Variants in ACVR1C observed in about 807,000 individuals in gnomAD.
The protein encoded by ACVR1C is activin receptor type-1C.
In ACVR1C, 23 loss-of-function variants were observed where a neutral mutation model predicts 57.9. The ratio of observed to expected loss-of-function variants is 0.40; its 90% CI spans 0.29 to 0.56. The LOEUF is 0.56. ACVR1C is among the 20% of genes least tolerant of loss of function. The pLI is 0.50. For missense variants in ACVR1C, 480 were observed against 607.9 expected, an observed-to-expected ratio of 0.79 and a Z score of 2.21; for synonymous variants, 214 against 215.3, an observed-to-expected ratio of 0.99 and a Z score of 0.05.
At chr2:157,622,828 A>G (rs1310990041) in intron 1 of ACVR1C, among the ~76,000 whole-genome samples, 1 of 152,186 alleles carries the variant, frequency 6.6e-6, no homozygotes. Flanking sequence ...CAATCCACAG[A>G]ATGAGAGAAA....
At chr2:157,620,797 C>T (rs576783656) in intron 1 of ACVR1C, among the ~76,000 whole-genome samples, 5 of 151,992 alleles carry the variant, frequency 3.3e-5, no homozygotes, top group Non-Finnish European at 7.4e-5. Flanking sequence ...TGTCCATATC[C>T]TGATGAGTTA....
intron 1 of ACVR1C, among the ~76,000 whole-genome samples, chr2:157,627,886 C>T (rs1682932229): frequency 6.6e-6 from 1 of 152,328 alleles, no homozygotes; most frequent in Non-Finnish European, 1.5e-5. Flanking sequence ...CGTCTGGCTT[C>T]TAGATTGGGT....
chr2:157,575,946 G>A (rs1688635759), intron 2 of ACVR1C, among the ~76,000 whole-genome samples: 1 of 152,114 alleles, frequency 6.6e-6, no homozygotes, highest in Non-Finnish European at 1.5e-5. Flanking sequence ...CAGAATGTGT[G>A]AACTTCCACA....
At chr2:157,568,166 G>T (rs1477435553) in intron 2 of ACVR1C, among the ~76,000 whole-genome samples, 1 of 84,142 alleles carries the variant, frequency 1.2e-5, no homozygotes, top group Non-Finnish European at 2.3e-5. Flanking sequence ...AATGCTGAGA[G>T]ATTTTGTCAC....
intron 2 of ACVR1C, among the ~76,000 whole-genome samples, chr2:157,582,993 C>T (rs934157042): frequency 1.1e-4 from 16 of 152,162 alleles, no homozygotes; most frequent in Admixed American, 5.2e-4. Context: ...GCAATTCTCC[C>T]GCCTCAGCCT....
intron 1 of ACVR1C, among the ~76,000 whole-genome samples, chr2:157,628,148 G>T (rs1682945078): frequency 6.6e-6 from 1 of 152,118 alleles, no homozygotes; most frequent in Non-Finnish European, 1.5e-5. Flanking sequence ...TCCTTGAGCA[G>T]CTCTCAGGGG....
Position 157,542,903 on chromosome 2 carries a change from G to A in ACVR1C, c.944-41C>T, listed in dbSNP as rs770478700. On this transcript the variant is annotated intron_variant, in intron 5 of 8. Transcript: ENST00000243349. ...GAACATATTCATTTTTTTCTTTACC[G>A]GAGACTGTTCAAGAGAAATCATCCT... 3.8e-5 allele frequency: 60 copies of A among 1,586,470 alleles called. No individual in the cohort carries two copies. In the South Asian group the frequency reaches 4.5e-4, roughly 12 times the overall value.
chr2:157,624,501 G>A (rs1372774158), intron 1 of ACVR1C, among the ~76,000 whole-genome samples: 2 of 152,172 alleles, frequency 1.3e-5, no homozygotes, highest in African/African-American at 4.8e-5. Context: ...CCAAAATACA[G>A]CGAACTTGGG....
chr2:157,583,710 C>T (rs1688846116), intron 2 of ACVR1C, among the ~76,000 whole-genome samples: 2 of 152,232 alleles, frequency 1.3e-5, no homozygotes, highest in East Asian at 1.9e-4. Flanking sequence ...AATATACCCA[C>T]ATATATAAAG....
rs1558975249 is a variant in ACVR1C at position 157,554,285 on chromosome 2, GA to G, written c.544+1807del. On this transcript the variant is annotated intron_variant, in intron 3 of 8. Transcript: ENST00000243349. ...AAAGAAAGAAAGGAAGGAAGGAAGA[GA>G]GAGAGAGAGAGAAAGAAAGAAAGGA... 3.0e-3 allele frequency among the ~76,000 whole-genome samples: 244 copies of G among 82,222 alleles called. 15 individuals are homozygous for G. Among genetic ancestry groups the G allele is most frequent in the African/African-American group, 0.015 (225 of 15,308 alleles). 53.9% of individuals were successfully genotyped at this position (82,222 alleles called of 152,430 possible). A position where few individuals can be genotyped will look rare whatever the true frequency, so the allele number is the denominator to read the frequency against.
chr2:157,540,040 C>G (rs1263294300), intron 7 of ACVR1C, among the ~76,000 whole-genome samples: 1 of 152,114 alleles, frequency 6.6e-6, no homozygotes, highest in Non-Finnish European at 1.5e-5. Flanking sequence ...AATGGCAGGT[C>G]TTTAATCGAA....
At chr2:157,613,043 G>C (rs566655032) in intron 1 of ACVR1C, among the ~76,000 whole-genome samples, 1 of 152,050 alleles carries the variant, frequency 6.6e-6, no homozygotes, top group African/African-American at 2.4e-5. Flanking sequence ...CATACAGGTA[G>C]AGGAGCTCTC....
chr2:157,566,340 G>A (rs1449865376), intron 2 of ACVR1C, among the ~76,000 whole-genome samples: 1 of 152,200 alleles, frequency 6.6e-6, no homozygotes, highest in Non-Finnish European at 1.5e-5. Flanking sequence ...GTCTATGCTA[G>A]CTAGTGGGAA....
intron 2 of ACVR1C, among the ~76,000 whole-genome samples, chr2:157,583,028 C>A (rs1349660701): frequency 6.6e-6 from 1 of 152,022 alleles, no homozygotes; most frequent in Non-Finnish European, 1.5e-5. Flanking sequence ...ACTACAGGCG[C>A]GTACTAATTT....
At chr2:157,566,780 G>A (rs1688397583) in intron 2 of ACVR1C, among the ~76,000 whole-genome samples, 1 of 152,026 alleles carries the variant, frequency 6.6e-6, no homozygotes, top group African/African-American at 2.4e-5. Context: ...AACGAGGCTG[G>A]GGGAGGGGCG....
intron 2 of ACVR1C, among the ~76,000 whole-genome samples, chr2:157,562,718 C>A (rs1278781503): frequency 6.6e-6 from 1 of 151,954 alleles, no homozygotes; most frequent in Non-Finnish European, 1.5e-5. Flanking sequence ...TGCAAAAATC[C>A]TCAATAAAAT....
chr2:157,565,789 T>G (rs902602837), intron 2 of ACVR1C, among the ~76,000 whole-genome samples: 1 of 152,188 alleles, frequency 6.6e-6, no homozygotes, highest in Non-Finnish European at 1.5e-5. Context: ...ACAAAAATAT[T>G]TCCTGGACAT....
chr2:157,618,063 C>T (rs1266717114), intron 1 of ACVR1C, among the ~76,000 whole-genome samples: 1 of 151,642 alleles, frequency 6.6e-6, no homozygotes, highest in African/African-American at 2.4e-5. Context: ...ATGAAGAGTA[C>T]TAAAAGTGAT....
chr2:157,546,736 T>C (rs1017151003), intron 4 of ACVR1C, among the ~76,000 whole-genome samples: 3 of 152,190 alleles, frequency 2.0e-5, no homozygotes, highest in Admixed American at 6.5e-5. Flanking sequence ...AAAGCATAGA[T>C]AATCAACGAA....
Sources: gnomAD v4.1 joint callset for allele counts (sites outside exome capture counted in the v4.1 genomes callset) on GRCh38, gnomAD v4.1.1 for gene constraint, MANE v1.5 for transcripts, NCBI Gene and HGNC (gene_info 2026-07-23, HGNC 2026-07-21) for gene names.